The following PATJ variants were observed in gnomAD, a reference collection of about 807,000 sequenced individuals.
PATJ encodes inaD-like protein.
A neutral mutation model predicts 224.9 loss-of-function variants in PATJ; 190 were observed. That is an observed-to-expected ratio of 0.84 (90% CI 0.75 to 0.95). The LOEUF is 0.95. PATJ is among the 40% of genes least tolerant of loss of function. The probability of loss-of-function intolerance (pLI) is 0.00; values close to 1 mark genes in which losing one functional copy is unlikely to be tolerated. For synonymous variants in PATJ, 769 were observed against 820.3 expected, an observed-to-expected ratio of 0.94 and a Z score of 1.07; for missense variants, 2,121 against 2,270.3, an observed-to-expected ratio of 0.93 and a Z score of 1.34.
chr1:62,052,065 C>G (rs1209740697), intron 31 of PATJ, among the ~76,000 whole-genome samples: 1 of 152,144 alleles, frequency 6.6e-6, no homozygotes, highest in Non-Finnish European at 1.5e-5. Context: ...TAGCCCAGCA[C>G]TTCCAGGGTT....
In PATJ at chr1:62,153,409, G is replaced by T; in HGVS notation, c.5430G>T (p.Gly1810=). The change falls in exon 43 of 44, where the codon GGG becomes GGT. Residue 1810 remains glycine (G), a synonymous_variant. Coordinates refer to ENST00000642238, the MANE Select transcript of PATJ (RefSeq NM_001350145.3). The stretch of plus-strand genomic sequence containing the variant: ...TGGAGAAAGGCTCTGAAGGCTTGGG[G>T]TTTAGTATTGTAGGGGGTTATGGAA... ...ITLEKGSEGL[G]FSIVGGYGSP... The T allele has an allele frequency of 8.1e-7, 1 of 1,231,592 alleles. No homozygotes were observed. Among genetic ancestry groups the T allele is most frequent in the South Asian group, 4.1e-5 (1 of 24,312 alleles). The allele number at this position is 1,231,592 out of a possible 1,614,324, so 76.3% of individuals were successfully genotyped here. A position where few individuals can be genotyped will look rare whatever the true frequency, so the allele number is the denominator to read the frequency against.
At chr1:61,975,309 C>G (rs1644069649) in intron 27 of PATJ, among the ~76,000 whole-genome samples, 1 of 151,976 alleles carries the variant, frequency 6.6e-6, no homozygotes, top group Non-Finnish European at 1.5e-5. Flanking sequence ...CCTTCTTTGT[C>G]TCCTGTTATG....
intron 14 of PATJ, among the ~76,000 whole-genome samples, chr1:61,820,878 G>A (rs987636164): frequency 1.3e-5 from 2 of 152,068 alleles, no homozygotes; most frequent in African/African-American, 4.8e-5. Flanking sequence ...TAATACAGAA[G>A]CATTTCTCTG....
intron 33 of PATJ, among the ~76,000 whole-genome samples, chr1:62,089,984 T>C (rs1485140803): frequency 1.3e-5 from 2 of 152,218 alleles, no homozygotes; most frequent in Non-Finnish European, 2.9e-5. Flanking sequence ...CTTTGTTGTG[T>C]GTCCAAAAGA....
chr1:61,836,154 C>T lies in PATJ; in HGVS notation c.2112+2369C>T, dbSNP rs527874460. On this transcript the variant is annotated intron_variant, in intron 17 of 43. Transcript: ENST00000642238. ...AAGGAAAACCCCCTTCTGAGCTTTA[C>T]GCTTAAAAACATCTATAGTCAGTTC... Among the ~76,000 whole-genome samples, 130 of 152,256 alleles carry T rather than the reference C, an allele frequency of 8.5e-4. 1 individual carries two copies. Among genetic ancestry groups the T allele is most frequent in the African/African-American group, 3.1e-3 (127 of 41,562 alleles).
chr1:61,769,226 AGAGT>A, intron 4 of PATJ, 53 bp from the exon 5 acceptor site: 1 of 1,544,700 alleles, frequency 6.5e-7, no homozygotes, highest in Non-Finnish European at 8.7e-7. Flanking sequence ...TTCTGCAGAC[AGAGT>A]ATGTTGGCTA....
At chr1:62,123,592 C>G (rs906409448) in intron 39 of PATJ, among the ~76,000 whole-genome samples, 3 of 149,306 alleles carry the variant, frequency 2.0e-5, no homozygotes, top group Admixed American at 6.8e-5. Flanking sequence ...ATTCTCCTGC[C>G]TCAGCATCCC....
At position 62,018,122 on chromosome 1, in the gene PATJ, G is replaced by T. The variant is rs56145580; in HGVS notation, c.3959+175G>T. ...TATTGATTGTTTTGATTATGAGATT[G>T]TCTTATTTGCTTATGTTTCATGGGA... On this transcript the variant is annotated intron_variant, in intron 29 of 43. Coordinates refer to ENST00000642238, the MANE Select transcript of PATJ (RefSeq NM_001350145.3). This position sits in a 1 kb window ranked among gnomAD's most constrained non-coding sequence, Gnocchi z 4.2. Among the ~76,000 whole-genome samples, 3,462 of 152,206 alleles carry T rather than the reference G, an allele frequency of 0.023. 148 individuals carry two copies. The highest frequency in any genetic ancestry group is 0.078 in the African/African-American group (3,254 of 41,504).
At chr1:62,017,113 T>C (rs1423186197) in intron 28 of PATJ, among the ~76,000 whole-genome samples, 1 of 152,290 alleles carries the variant, frequency 6.6e-6, no homozygotes, top group Non-Finnish European at 1.5e-5. Context: ...ACAAAGAATA[T>C]TAAGATTTTT....
intron 21 of PATJ, among the ~76,000 whole-genome samples, chr1:61,878,142 C>T (rs1667587096): frequency 1.3e-5 from 2 of 152,212 alleles, no homozygotes; most frequent in African/African-American, 2.4e-5. Flanking sequence ...TCCAGTGTAG[C>T]TGGATGGGAC....
chr1:62,131,286 G>A (rs1666231744), intron 41 of PATJ, among the ~76,000 whole-genome samples: 1 of 152,006 alleles, frequency 6.6e-6, no homozygotes, highest in Non-Finnish European at 1.5e-5. Flanking sequence ...CATCCTTCAC[G>A]TTATGCTGAC....
chr1:62,073,369 T>A (rs1174451928), intron 31 of PATJ: 5 of 974,930 alleles, frequency 5.1e-6, no homozygotes, highest in Non-Finnish European at 6.1e-6. Flanking sequence ...ATGCTTGTAA[T>A]CCCACCACTT....
intron 3 of PATJ, among the ~76,000 whole-genome samples, chr1:61,765,304 G>T (rs1466838236): frequency 6.6e-6 from 1 of 151,072 alleles, no homozygotes; most frequent in Non-Finnish European, 1.5e-5. Flanking sequence ...TTGAACTCCT[G>T]GCCCTGAAGC....
chr1:61,925,726 A>G (rs1205221576), intron 26 of PATJ, among the ~76,000 whole-genome samples: 1 of 152,256 alleles, frequency 6.6e-6, no homozygotes, highest in Admixed American at 6.5e-5. Flanking sequence ...ACTGAAAATT[A>G]TGCAAAATGT....
At chr1:62,148,464 T>G (rs1668300479) in intron 42 of PATJ, 74 bp downstream of exon 42, 1 of 1,073,388 alleles carries the variant, frequency 9.3e-7, no homozygotes, top group Non-Finnish European at 1.5e-6. Context: ...GACACTCAAG[T>G]GCACTCTAAA....
chr1:62,120,756 A>AT (rs1315759451), intron 37 of PATJ: 15 of 156,328 alleles, frequency 9.6e-5, no homozygotes, highest in Non-Finnish European at 1.8e-4. Flanking sequence ...AGGTCTTATT[A>AT]TACTTGTTTT....
At chr1:62,097,329 A>G (rs933400279) in intron 33 of PATJ, among the ~76,000 whole-genome samples, 1 of 152,218 alleles carries the variant, frequency 6.6e-6, no homozygotes, top group African/African-American at 2.4e-5. Context: ...AAGGAAAAAA[A>G]AAAGACTATA....
At chr1:62,066,132 G>T (rs546547032) in intron 31 of PATJ, among the ~76,000 whole-genome samples, 4 of 152,224 alleles carry the variant, frequency 2.6e-5, no homozygotes, top group Non-Finnish European at 5.9e-5. Flanking sequence ...CTGCCTTCAG[G>T]GAGCTTTCAG....
intron 27 of PATJ, among the ~76,000 whole-genome samples, chr1:61,989,792 A>T (rs1309724319): frequency 6.6e-6 from 1 of 152,194 alleles, no homozygotes; most frequent in Non-Finnish European, 1.5e-5. Context: ...GGGTGAGTTA[A>T]ACTTCTTAGG....
Sources: allele counts gnomAD v4.1 joint callset (sites outside exome capture counted in the v4.1 genomes callset), GRCh38; gene constraint gnomAD v4.1.1; non-coding constraint Gnocchi (gnomAD v3.1); transcripts MANE v1.5; gene names NCBI Gene and HGNC (gene_info 2026-07-23, HGNC 2026-07-21).